PCLO: variants seen among roughly 807,000 people sequenced by gnomAD.
PCLO encodes piccolo presynaptic cytomatrix protein.
In PCLO, 82 loss-of-function variants were observed where a neutral mutation model predicts 427.5. The ratio of observed to expected loss-of-function variants is 0.19; its 90% CI spans 0.16 to 0.23. The LOEUF (loss-of-function observed/expected upper bound fraction) is 0.23, where lower values mean the gene tolerates loss of function less well. Ranked by LOEUF, PCLO falls within the 10% of genes least tolerant of loss-of-function variation. The probability of loss-of-function intolerance (pLI) is 1.00; values close to 1 mark genes in which losing one functional copy is unlikely to be tolerated. For synonymous variants in PCLO, 2,357 were observed against 2,155.4 expected, an observed-to-expected ratio of 1.09 and a Z score of -2.59; for missense variants, 6,239 against 6,115.9, an observed-to-expected ratio of 1.02 and a Z score of -0.67.
rs375791815 is a variant in PCLO at position 82,915,525 on chromosome 7, C to T, written c.12461G>A (p.Ser4154Asn). 5.8e-5 allele frequency: 94 copies of T among 1,613,562 alleles called. No homozygotes were observed. Among genetic ancestry groups the T allele is most frequent in the Non-Finnish European group, 7.7e-5 (91 of 1,179,720 alleles). The change falls in exon 7 of 25, where the codon AGC becomes AAC. Residue 4154 changes from serine to asparagine, a missense_variant. By Grantham distance (46) the Ser-to-Asn change is conservative. Transcript: ENST00000333891. The stretch of plus-strand genomic sequence containing the variant: ...CTCAGATTTTGGAAAATGTCTGTAG[C>T]TAGTATCAGCATGGTAATAATGAGA... The part of the protein sequence containing the change: ...GLSHYYHADT[S>N]YRHFPKSEKY...
rs745834243 is a variant in PCLO at position 82,956,683 on chromosome 7, C to T, written c.4270G>A (p.Ala1424Thr). The T allele has an allele frequency of 5.6e-6, 9 of 1,613,798 alleles. No individual in the cohort carries two copies. Among genetic ancestry groups the T allele is most frequent in the Non-Finnish European group, 5.9e-6 (7 of 1,179,792 alleles). ...STVLSILEAQ[A>T]STLADEKSEK... is the part of the protein sequence containing the mutation. ...GACTTTTCATCAGCAAGTGTACTTG[C>T]TTGAGCTTCCAAAATAGATAGGACT... The change falls in exon 5 of 25, where the codon GCA becomes ACA. Residue 1424 changes from alanine to threonine, a missense_variant. Coordinates refer to ENST00000333891, the MANE Select transcript of PCLO (RefSeq NM_033026.6).
At chr7:83,065,498 T>TA (rs780514400) in intron 3 of PCLO, among the ~76,000 whole-genome samples, 4,934 of 104,128 alleles carry the variant, frequency 0.047, 153 homozygotes, top group African/African-American at 0.1. Context: ...GCTCAAAATG[T>TA]AAAAAAAAAA....
intron 6 of PCLO, among the ~76,000 whole-genome samples, chr7:82,948,227 G>A (rs1291166782): frequency 6.6e-6 from 1 of 151,310 alleles, no homozygotes; most frequent in Admixed American, 6.6e-5. Flanking sequence ...GAGGTTTCCT[G>A]ATTCTACAGC....
chr7:82,847,292 T>G, intron 10 of PCLO, 45 bp from the exon 11 acceptor site: 12 of 1,065,366 alleles, frequency 1.1e-5, no homozygotes, highest in Non-Finnish European at 1.5e-5. Context: ...GTGCTATCTC[T>G]AGTCTGGGTA....
chr7:82,804,807 C>T (rs924987223), intron 21 of PCLO, among the ~76,000 whole-genome samples: 1 of 152,162 alleles, frequency 6.6e-6, no homozygotes, highest in African/African-American at 2.4e-5. Context: ...TTTTCCTACA[C>T]TTTCGAAAAT....
At chr7:82,791,230 A>C (rs1791094601) in intron 22 of PCLO, among the ~76,000 whole-genome samples, 2 of 150,196 alleles carry the variant, frequency 1.3e-5, no homozygotes, top group South Asian at 4.2e-4. Context: ...ATTTTTTTAA[A>C]AAAGATGAAT....
chr7:82,877,247 T>C (rs953081371), intron 10 of PCLO, among the ~76,000 whole-genome samples: 1 of 152,172 alleles, frequency 6.6e-6, no homozygotes, highest in African/African-American at 2.4e-5. Flanking sequence ...TTTAGAATCA[T>C]GCTGATTTGT....
intron 6 of PCLO, among the ~76,000 whole-genome samples, chr7:82,941,291 C>T (rs1795079843): frequency 6.6e-6 from 1 of 151,874 alleles, no homozygotes; most frequent in South Asian, 2.1e-4. Context: ...TAGTCACCTA[C>T]TATGTACCCA....
chr7:82,812,587 G>C (rs1791595463), intron 20 of PCLO, among the ~76,000 whole-genome samples: 1 of 151,388 alleles, frequency 6.6e-6, no homozygotes, highest in Non-Finnish European at 1.5e-5. Flanking sequence ...AATTCATTTT[G>C]TCTTTAATAA....
chr7:82,916,019 T>G lies in PCLO; in HGVS notation c.11967A>C (p.Ala3989=). The stretch of plus-strand genomic sequence containing the variant: ...CAAATGTGTTATCCGTAGAAACAGG[T>G]GCTATCATAAGGGGTTGGTTGCGAA... ...EVIRNQPLMI[A]PVSTDNTFAV... The change falls in exon 7 of 25, where the codon GCA becomes GCC. Residue 3989 remains alanine, a synonymous_variant. Transcript: ENST00000333891. The G allele has an allele frequency of 6.2e-7, 1 of 1,612,792 alleles. No homozygotes were observed. Among genetic ancestry groups the G allele is most frequent in the Non-Finnish European group, 8.5e-7 (1 of 1,179,770 alleles).
intron 3 of PCLO, among the ~76,000 whole-genome samples, chr7:83,093,472 G>GTGTGTGTATATA (rs745824155): frequency 5.0e-5 from 5 of 99,166 alleles, no homozygotes; most frequent in East Asian, 3.9e-4. Flanking sequence ...ATGTGTGTGT[G>GTGTGTGTATATA]TATAGATATA....
chr7:82,794,834 G>T (rs980902451), intron 22 of PCLO, among the ~76,000 whole-genome samples: 10 of 151,808 alleles, frequency 6.6e-5, no homozygotes, highest in Admixed American at 2.0e-4. Flanking sequence ...GCAAAACATG[G>T]GAGATCCTTA....
At chr7:82,861,088 G>A (rs1319816813) in intron 10 of PCLO, among the ~76,000 whole-genome samples, 2 of 151,920 alleles carry the variant, frequency 1.3e-5, no homozygotes, top group Admixed American at 6.6e-5. Context: ...AAAATGGCAG[G>A]AGTAGGCTCT....
chr7:83,014,766 A>C (rs934540068), intron 3 of PCLO, among the ~76,000 whole-genome samples: 4 of 152,150 alleles, frequency 2.6e-5, no homozygotes, highest in Admixed American at 2.6e-4. Context: ...GCAGACAGTC[A>C]AATTATGTAA....
chr7:82,840,483 G>C (rs1454067394), intron 14 of PCLO, among the ~76,000 whole-genome samples: 1 of 152,010 alleles, frequency 6.6e-6, no homozygotes, highest in Non-Finnish European at 1.5e-5. Flanking sequence ...CTCCAAAATA[G>C]AGATCATGGT....
At chr7:83,055,138 T>C (rs1384028773) in intron 3 of PCLO, among the ~76,000 whole-genome samples, 1 of 152,130 alleles carries the variant, frequency 6.6e-6, no homozygotes, top group African/African-American at 2.4e-5. Context: ...CTTTGACTTT[T>C]TTCAACACTA....
intron 3 of PCLO, among the ~76,000 whole-genome samples, chr7:83,030,034 C>G (rs1382963700): frequency 2.7e-5 from 4 of 146,544 alleles, no homozygotes; most frequent in Non-Finnish European, 6.0e-5. Flanking sequence ...GTGGGTGCAG[C>G]GCACCAGCAT....
chr7:82,812,994 A>AT (rs1316318740), intron 20 of PCLO, among the ~76,000 whole-genome samples: 4 of 151,672 alleles, frequency 2.6e-5, no homozygotes, highest in Admixed American at 2.6e-4. Context: ...AAAAATAGTC[A>AT]TTTTGAAAAA....
At position 82,890,685 on chromosome 7, in the gene PCLO, T is replaced by C. The variant is rs532028275; in HGVS notation, c.13529-11223A>G. Among the ~76,000 whole-genome samples, 5 of 152,100 alleles carry C rather than the reference T, an allele frequency of 3.3e-5. No homozygotes were observed. In the South Asian group the frequency reaches 6.2e-4, roughly 19 times the overall value. Reference sequence around the variant, plus strand: ...CTAATCCGCTAATCACAATATTATATCTTTGAGAACTATCAATAGGATATA... The same window carrying C: ...CTAATCCGCTAATCACAATATTATACCTTTGAGAACTATCAATAGGATATA... On this transcript the variant is annotated intron_variant, in intron 9 of 24. Coordinates refer to ENST00000333891, the MANE Select transcript of PCLO (RefSeq NM_033026.6).
Sources: gnomAD v4.1 joint callset for allele counts (sites outside exome capture counted in the v4.1 genomes callset) on GRCh38, gnomAD v4.1.1 for gene constraint, MANE v1.5 for transcripts, NCBI Gene and HGNC (gene_info 2026-07-23, HGNC 2026-07-21) for gene names.